Variants in PMM1 observed in about 807,000 individuals in gnomAD.
The protein encoded by PMM1 is brain glucose-1,6-bisphosphatase.
In PMM1, 25 loss-of-function variants were observed where a neutral mutation model predicts 34.0. The ratio of observed to expected loss-of-function variants is 0.73; its 90% CI spans 0.54 to 1.03. The LOEUF (loss-of-function observed/expected upper bound fraction) is 1.03, where lower values mean the gene tolerates loss of function less well. Among genes scored for constraint, PMM1 ranks in the 50% least tolerant of loss-of-function variants. The pLI is 0.00. For missense variants in PMM1, 321 were observed against 350.1 expected, an observed-to-expected ratio of 0.92 and a Z score of 0.66; for synonymous variants, 134 against 143.9, an observed-to-expected ratio of 0.93 and a Z score of 0.49.
Position 41,586,964 on chromosome 22 carries a change from A to T in PMM1, c.88-771T>A, listed in dbSNP as rs984242913. On this transcript the variant is annotated intron_variant, in intron 1 of 7. Transcript: ENST00000216259. The stretch of plus-strand genomic sequence containing the variant: ...GAAACTCTGTTTCTACTAAAAATTA[A>T]AAAAAAAAAAAAAAAAAAATTGGCC... Among the ~76,000 whole-genome samples, 5 of 96,532 alleles carry T rather than the reference A, an allele frequency of 5.2e-5. No individual in the cohort carries two copies. In the East Asian group the frequency reaches 7.2e-4, roughly 14 times the overall value. 63.3% of individuals were successfully genotyped at this position (96,532 alleles called of 152,430 possible). A position where few individuals can be genotyped will look rare whatever the true frequency, so the allele number is the denominator to read the frequency against.
chr22:41,588,772 G>C, intron 1 of PMM1: 1 of 983,356 alleles, frequency 1.0e-6, no homozygotes, highest in Non-Finnish European at 1.2e-6. Flanking sequence ...CGGGACCTAA[G>C]AGAGGAGGCT....
chr22:41,579,023 G>A, intron 5 of PMM1, 142 bp from the exon 6 acceptor site: 1 of 674,434 alleles, frequency 1.5e-6, no homozygotes, highest in South Asian at 1.7e-5. Flanking sequence ...CTAAGGCTCA[G>A]AGAGGGGTTG....
rs368382811 is a variant in PMM1, at chr22:41,578,839, C to T, written c.517G>A (p.Glu173Lys). 13 of 1,613,958 alleles carry T rather than the reference C, an allele frequency of 8.1e-6. No individual in the cohort carries two copies. The African/African-American group carries it at 1.5e-4, about 18-fold the overall frequency. Residue 173 changes from glutamate (E) to lysine (K), a missense_variant, in exon 6 of 8, where the codon GAG (glutamate) becomes AAG (lysine). By Grantham distance (56) the Glu-to-Lys change is moderately conservative. Coordinates refer to ENST00000216259, the MANE Select transcript of PMM1 (RefSeq NM_002676.3). ...REKFVEALKT[E>K]FAGKGLRFSR... The stretch of plus-strand genomic sequence containing the variant: ...AACCTCAGCCCTTTGCCAGCAAACT[C>T]TGTTTTCAGGGCTTCCACGAACTTC...
intron 5 of PMM1, chr22:41,579,785 C>G (rs926849804): frequency 1.3e-5 from 2 of 152,292 alleles, no homozygotes; most frequent in Non-Finnish European, 2.9e-5. Context: ...CCAGACACCC[C>G]CTAGCCTGAG....
intron 1 of PMM1, chr22:41,588,521 A>T (rs967659558): frequency 9.2e-6 from 4 of 433,532 alleles, no homozygotes; most frequent in Non-Finnish European, 1.2e-5. Flanking sequence ...ACCCAGCCTA[A>T]TTTTTGTATT....
At chr22:41,582,490 C>T (rs921811485) in intron 5 of PMM1, among the ~76,000 whole-genome samples, 3 of 152,068 alleles carry the variant, frequency 2.0e-5, no homozygotes, top group South Asian at 2.1e-4. Flanking sequence ...AAAAGTATGC[C>T]ATGTGCCAAG....
Position 41,577,440 on chromosome 22 carries a change from C to T in PMM1, c.667G>A (p.Gly223Ser). 6.2e-7 allele frequency: 1 copy of T among 1,610,340 alleles called. No homozygotes were observed. The highest frequency in any genetic ancestry group is 8.5e-7 in the Non-Finnish European group (1 of 1,179,554). ...GCAAAGATCTCAAAGTCGTTCCCAC[C>T]CTGCACACAGAGGATGGGCAGAGGA... is the stretch of plus-strand genomic sequence containing the variant. ...IHFFGNETSP[G>S]GNDFEIFADP... Residue 223 changes from glycine (G) to serine (S), a missense_variant and splice_region_variant, in exon 8 of 8, where the codon GGT (glycine) becomes AGT (serine). Gly to Ser is a moderately conservative substitution (Grantham distance 56, BLOSUM62 0). Coordinates refer to ENST00000216259, the MANE Select transcript of PMM1 (RefSeq NM_002676.3).
chr22:41,583,821 G>A, intron 5 of PMM1, 138 bp downstream of exon 5: 2 of 659,728 alleles, frequency 3.0e-6, no homozygotes, highest in South Asian at 3.4e-5. Context: ...TACAACAATG[G>A]CACACAGTAG....
chr22:41,578,796 G>A lies in PMM1; in HGVS notation c.550+10C>T, dbSNP rs1205693339. 2.5e-6 allele frequency: 4 copies of A among 1,612,718 alleles called. No individual in the cohort carries two copies. The highest frequency in any genetic ancestry group is 2.2e-5 in the East Asian group (1 of 44,866). On this transcript the variant is annotated intron_variant, in intron 6 of 7. Coordinates refer to ENST00000216259, the MANE Select transcript of PMM1 (RefSeq NM_002676.3). ...CCAGGCCTCCCAGGTCCTCTGCAGG[G>A]TGGACGTACCTCGAGAGAACCTCAG... is the stretch of plus-strand genomic sequence containing the variant.
In PMM1 at chr22:41,577,091, A is replaced by G; in HGVS notation, c.*227T>C. ...AGCAGCAGCTGTGGCCTGGGCCACCAGGTGGAGCATGGGGAACACTCTGGG... is the reference window on the plus strand; with the variant it reads ...AGCAGCAGCTGTGGCCTGGGCCACCGGGTGGAGCATGGGGAACACTCTGGG... On this transcript the variant is annotated 3_prime_UTR_variant, in exon 8 of 8. Transcript: ENST00000216259. The G allele has an allele frequency of 1.7e-6, 1 of 586,094 alleles. No homozygotes were observed. 36.3% of individuals were successfully genotyped at this position (586,094 alleles called of 1,614,324 possible).
chr22:41,586,477 T>C (rs1411823396), intron 1 of PMM1: 4 of 401,146 alleles, frequency 1.0e-5, no homozygotes, highest in Non-Finnish European at 1.7e-5. Context: ...AAAAATTTTT[T>C]TGGAGACGAA....
chr22:41,585,992 C>A (rs1453848442), intron 2 of PMM1, 84 bp downstream of exon 2: 14 of 997,652 alleles, frequency 1.4e-5, no homozygotes, highest in Non-Finnish European at 1.5e-6. Flanking sequence ...TTTCTTCTGC[C>A]CCACAGAAGC....
chr22:41,588,955 G>A (rs2067345413), intron 1 of PMM1: 2 of 1,116,180 alleles, frequency 1.8e-6, no homozygotes, highest in African/African-American at 3.3e-5. Context: ...GGGGGCTTTT[G>A]GGGACTCACT....
chr22:41,589,573 GC>G, intron 1 of PMM1, 145 bp downstream of exon 1: 1 of 672,434 alleles, frequency 1.5e-6, no homozygotes, highest in Non-Finnish European at 2.5e-6. Context: ...CCGGTGGGTG[GC>G]CCCGGATGTC....
At chr22:41,589,207 G>A in intron 1 of PMM1, 1 of 975,190 alleles carries the variant, frequency 1.0e-6, no homozygotes, top group Non-Finnish European at 1.4e-6. Flanking sequence ...TCAGAAACTA[G>A]ACCCAGTCCC....
chr22:41,578,670 C>A (rs1316534224), intron 6 of PMM1, 136 bp downstream of exon 6: 2 of 675,138 alleles, frequency 3.0e-6, no homozygotes, highest in Non-Finnish European at 5.2e-6. Flanking sequence ...GCATCGGGCT[C>A]AGCCACCCTC....
In PMM1 at chr22:41,584,563, C is replaced by A; in HGVS notation, c.246G>T (p.Thr82=). 9.9e-6 allele frequency: 16 copies of A among 1,613,884 alleles called. No homozygotes were observed. The highest frequency in any genetic ancestry group is 1.4e-5 in the Non-Finnish European group (16 of 1,179,904). The change falls in exon 3 of 8, where the codon ACG becomes ACT. Residue 82 remains threonine, a synonymous_variant. Coordinates refer to ENST00000216259, the MANE Select transcript of PMM1 (RefSeq NM_002676.3). ...KFDYVFAENG[T]VQYKHGRLLS... ...GCAGTCGTCCGTGCTTATACTGCACCGTCCCGTTCTCGGCAAACACATAAT... is the reference window on the plus strand; with the variant it reads ...GCAGTCGTCCGTGCTTATACTGCACAGTCCCGTTCTCGGCAAACACATAAT...
intron 2 of PMM1, 130 bp from the exon 3 acceptor site, chr22:41,584,733 G>A (rs2067288820): frequency 1.6e-6 from 1 of 634,500 alleles, no homozygotes; most frequent in Non-Finnish European, 2.7e-6. Flanking sequence ...TCAATCTGAG[G>A]CTACAACCTG....
chr22:41,577,299 A>G lies in PMM1; in HGVS notation c.*19T>C, dbSNP rs1389994378. 6.2e-7 allele frequency: 1 copy of G among 1,612,558 alleles called. No homozygotes were observed. The highest frequency in any genetic ancestry group is 1.3e-5 in the African/African-American group (1 of 74,942). Reference sequence around the variant, plus strand: ...GGCCAAACTCTTCAGAAGTCACGACACACAGATGTGGGCCCCGGTCACGCC... The same window carrying G: ...GGCCAAACTCTTCAGAAGTCACGACGCACAGATGTGGGCCCCGGTCACGCC... On this transcript the variant is annotated 3_prime_UTR_variant, in exon 8 of 8. Coordinates refer to ENST00000216259, the MANE Select transcript of PMM1 (RefSeq NM_002676.3).
Sources: allele counts gnomAD v4.1 joint callset (sites outside exome capture counted in the v4.1 genomes callset), GRCh38; gene constraint gnomAD v4.1.1; transcripts MANE v1.5; gene names NCBI Gene and HGNC (gene_info 2026-07-23, HGNC 2026-07-21).